The following ETFA variants were observed in gnomAD, a reference collection of about 807,000 sequenced individuals.
ETFA encodes the protein electron transfer flavoprotein subunit alpha.
A neutral mutation model predicts 46.2 loss-of-function variants in ETFA; 22 were observed. The ratio of observed to expected loss-of-function variants is 0.48; its 90% CI spans 0.34 to 0.68. ETFA has a LOEUF of 0.68. Ranked by LOEUF, ETFA falls within the 30% of genes least tolerant of loss-of-function variation. The pLI is 0.01. For missense variants in ETFA, 345 were observed against 401.1 expected (o/e 0.86, Z 1.19); for synonymous variants, 131 against 139.9 (o/e 0.94, Z 0.45).
chr15:76,299,142 C>T (rs2141548688), intron 1 of ETFA, among the ~76,000 whole-genome samples: 1 of 152,306 alleles, frequency 6.6e-6, no homozygotes, highest in African/African-American at 2.4e-5. Flanking sequence ...TAAAAATTAA[C>T]TATGCAGGCC....
At chr15:76,233,648 T>G (rs1001391322) in intron 9 of ETFA, among the ~76,000 whole-genome samples, 1 of 152,160 alleles carries the variant, frequency 6.6e-6, no homozygotes, top group Non-Finnish European at 1.5e-5. Context: ...AATTTTAAGG[T>G]CACCTCAGTT....
At chr15:76,240,567 AT>A (rs1442283841) in intron 9 of ETFA, among the ~76,000 whole-genome samples, 3 of 152,328 alleles carry the variant, frequency 2.0e-5, no homozygotes, top group African/African-American at 4.8e-5. Context: ...AGTTAAAAGA[AT>A]TTTTTTAAAA....
intron 9 of ETFA, among the ~76,000 whole-genome samples, chr15:76,267,559 G>A (rs1192112247): frequency 6.6e-6 from 1 of 151,782 alleles, no homozygotes; most frequent in Non-Finnish European, 1.5e-5. Context: ...TGTTTTTACT[G>A]ATGGATCTAC....
intron 9 of ETFA, among the ~76,000 whole-genome samples, chr15:76,235,880 T>G (rs533633037): frequency 4.6e-5 from 7 of 152,322 alleles, no homozygotes; most frequent in African/African-American, 1.7e-4. Context: ...CTGTTCCTGC[T>G]CCCTTAAGTC....
intron 11 of ETFA, among the ~76,000 whole-genome samples, chr15:76,221,053 T>TA (rs1311738482): frequency 6.6e-6 from 1 of 152,128 alleles, no homozygotes; most frequent in Non-Finnish European, 1.5e-5. Context: ...TCATTCATAA[T>TA]AGCCAAAAAG....
At chr15:76,254,542 T>C (rs1346769539) in intron 9 of ETFA, among the ~76,000 whole-genome samples, 1 of 152,220 alleles carries the variant, frequency 6.6e-6, no homozygotes, top group Non-Finnish European at 1.5e-5. Flanking sequence ...TCTCAAAATA[T>C]GGTCAGGATA....
intron 6 of ETFA, 111 bp from the exon 7 acceptor site, chr15:76,285,849 TA>T: frequency 1.3e-6 from 1 of 748,704 alleles, no homozygotes; most frequent in Middle Eastern, 2.6e-4. Flanking sequence ...TTAAGTTAAT[TA>T]CTGTGAATTT....
intron 9 of ETFA, chr15:76,260,081 A>G (rs569095714): frequency 9.3e-6 from 14 of 1,498,606 alleles, no homozygotes; most frequent in Non-Finnish European, 1.3e-5. Flanking sequence ...TTCACAAAGG[A>G]GCCATCCTCC....
intron 9 of ETFA, among the ~76,000 whole-genome samples, chr15:76,247,213 T>C (rs891777394): frequency 6.6e-6 from 1 of 152,156 alleles, no homozygotes; most frequent in Non-Finnish European, 1.5e-5. Flanking sequence ...AAAACAACTA[T>C]CAAGGATTTG....
At chr15:76,271,118 C>T (rs1567210714) in intron 9 of ETFA, among the ~76,000 whole-genome samples, 1 of 144,424 alleles carries the variant, frequency 6.9e-6, no homozygotes, top group African/African-American at 2.6e-5. Context: ...TCCAGTGAGC[C>T]GAGATCACAC....
At chr15:76,248,703 C>G (rs571382033) in intron 9 of ETFA, among the ~76,000 whole-genome samples, 2 of 152,026 alleles carry the variant, frequency 1.3e-5, no homozygotes, top group East Asian at 3.9e-4. Context: ...GGTGAAACCC[C>G]ATCTCCACAA....
Position 76,236,620 on chromosome 15 carries a change from G to A in ETFA, c.817-5222C>T, listed in dbSNP as rs10163051. On this transcript the variant is annotated intron_variant, in intron 9 of 11. Transcript: ENST00000557943. ...AGGTTCTATTATGCTCAATGGGAAC[G>A]TGAACCAAAAAGGAAAGTCAGCAGT... Among the ~76,000 whole-genome samples, 1,110 of 152,280 alleles carry A rather than the reference G, an allele frequency of 7.3e-3. 18 individuals are homozygous for A. Among genetic ancestry groups the A allele is most frequent in the African/African-American group, 0.025 (1,054 of 41,548 alleles).
At chr15:76,233,156 T>G (rs1313839725) in intron 9 of ETFA, among the ~76,000 whole-genome samples, 1 of 152,122 alleles carries the variant, frequency 6.6e-6, no homozygotes, top group Non-Finnish European at 1.5e-5. Flanking sequence ...AGCAATTGCA[T>G]GCTCTGTGAT....
At chr15:76,261,675 T>C in intron 9 of ETFA, 1 of 358,864 alleles carries the variant, frequency 2.8e-6, no homozygotes. Flanking sequence ...CGCCCCATGC[T>C]GTGCCTCAGC....
chr15:76,226,849 A>T (rs926462407), intron 10 of ETFA, among the ~76,000 whole-genome samples: 1 of 152,198 alleles, frequency 6.6e-6, no homozygotes, highest in Non-Finnish European at 1.5e-5. Flanking sequence ...ACTGCATTCC[A>T]GCCTGGGCGA....
At chr15:76,254,666 G>A in intron 9 of ETFA, among the ~76,000 whole-genome samples, 1 of 152,080 alleles carries the variant, frequency 6.6e-6, no homozygotes, top group East Asian at 1.9e-4. Flanking sequence ...AGTGCGCAAT[G>A]GAGTTTCCCA....
At chr15:76,271,901 A>ATG (rs1018815769) in intron 9 of ETFA, among the ~76,000 whole-genome samples, 2 of 132,454 alleles carry the variant, frequency 1.5e-5, no homozygotes, top group Non-Finnish European at 3.2e-5. Flanking sequence ...ATATGCGTAT[A>ATG]TGTGTGTGTA....
At chr15:76,261,504 G>GCAGCTGAGCTTTAC (rs1204580009) in intron 9 of ETFA, 3 of 742,624 alleles carry the variant, frequency 4.0e-6, no homozygotes, top group Non-Finnish European at 4.6e-6. Flanking sequence ...CCTCCATGCT[G>GCAGCTGAGCTTTAC]CAGCTGAGCT....
At chr15:76,292,396 A>G (rs752881173) in intron 4 of ETFA, 35 bp downstream of exon 4, 7 of 1,366,316 alleles carry the variant, frequency 5.1e-6, no homozygotes, top group Non-Finnish European at 1.0e-6. Context: ...CCTTTCAAGC[A>G]GTGATATCAG....
Sources: gnomAD v4.1 joint callset for allele counts (sites outside exome capture counted in the v4.1 genomes callset) on GRCh38, gnomAD v4.1.1 for gene constraint, MANE v1.5 for transcripts, NCBI Gene and HGNC (gene_info 2026-07-23, HGNC 2026-07-21) for gene names.